RAE1: variants seen among roughly 807,000 people sequenced by gnomAD.
RAE1 encodes mRNA export factor RAE1.
In RAE1, 13 loss-of-function variants were observed where a neutral mutation model predicts 52.7. The observed-to-expected ratio is 0.25, with a 90% CI of 0.16 to 0.39. The LOEUF (loss-of-function observed/expected upper bound fraction) is 0.39. Ranked by LOEUF, RAE1 falls within the 10% of genes least tolerant of loss-of-function variation. The pLI, the probability that RAE1 is intolerant of heterozygous loss-of-function variation, is 1.00. For synonymous variants in RAE1, 164 were observed against 153.1 expected (o/e 1.07, Z -0.52); for missense variants, 262 against 459.8 (o/e 0.57, Z 3.93).
chr20:57,356,627 A>T, intron 4 of RAE1, 89 bp downstream of exon 4: 85 of 1,073,084 alleles, frequency 7.9e-5, no homozygotes, highest in Non-Finnish European at 1.0e-4. Context: ...AATAGCATAT[A>T]TGTGTTCATA....
chr20:57,370,910 GCCTGTTGCT>G (rs2067026892), intron 8 of RAE1, among the ~76,000 whole-genome samples: 3 of 152,280 alleles, frequency 2.0e-5, no homozygotes, highest in Admixed American at 2.0e-4. Flanking sequence ...GCCACCACCA[GCCTGTTGCT>G]CCTGATGTGC....
At chr20:57,361,619 A>T (rs140613421) in intron 4 of RAE1, among the ~76,000 whole-genome samples, 350 of 152,290 alleles carry the variant, frequency 2.3e-3, no homozygotes, top group African/African-American at 8.1e-3. Flanking sequence ...TATGGTTGTT[A>T]TGTCAGTCCG....
intron 4 of RAE1, chr20:57,359,042 A>G: frequency 6.6e-7 from 1 of 1,511,476 alleles, no homozygotes; most frequent in Non-Finnish European, 8.8e-7. Context: ...GTGGCCATTC[A>G]TTCAAGTCCC....
At chr20:57,375,778 A>G (rs990871073) in intron 11 of RAE1, among the ~76,000 whole-genome samples, 1 of 152,080 alleles carries the variant, frequency 6.6e-6, no homozygotes, top group African/African-American at 2.4e-5. Context: ...CTCCTCATCC[A>G]GTCCAGAAGC....
At chr20:57,353,949 C>T (rs764396804) in intron 1 of RAE1, 83 bp from the exon 2 acceptor site, 34 of 1,245,050 alleles carry the variant, frequency 2.7e-5, no homozygotes, top group Non-Finnish European at 3.9e-5. Context: ...GAGTATTTCT[C>T]TTCTGCCAGT....
Position 57,378,183 on chromosome 20 carries a change from G to A in RAE1, c.*84G>A. ...CGAATTTGGGTCCCAGCCTTGTTGG[G>A]TTGTCAGCCATGGACATGGATTTCA... On this transcript the variant is annotated 3_prime_UTR_variant, in exon 12 of 12. Transcript: ENST00000395841. 2 of 1,155,228 alleles carry A rather than the reference G, an allele frequency of 1.7e-6. No homozygotes were observed. Among genetic ancestry groups the A allele is most frequent in the South Asian group, 1.5e-5 (1 of 68,444 alleles). The allele number at this position is 1,155,228 out of a possible 1,614,324, so 71.6% of individuals were successfully genotyped here.
intron 1 of RAE1, among the ~76,000 whole-genome samples, chr20:57,352,340 G>A (rs1007040758): frequency 6.6e-6 from 1 of 152,150 alleles, no homozygotes; most frequent in Admixed American, 6.5e-5. Flanking sequence ...CTGTGGGGAG[G>A]GAGAAGCAAA....
intron 11 of RAE1, among the ~76,000 whole-genome samples, chr20:57,376,904 T>C (rs2067124373): frequency 1.3e-5 from 2 of 152,236 alleles, no homozygotes; most frequent in African/African-American, 4.8e-5. Context: ...TGTTTAAAAA[T>C]TGAAGTAAAA....
chr20:57,370,087 C>G (rs2067013454), intron 8 of RAE1, among the ~76,000 whole-genome samples: 1 of 152,180 alleles, frequency 6.6e-6, no homozygotes, highest in African/African-American at 2.4e-5. Flanking sequence ...AACACACCTC[C>G]CTTGATCCCC....
chr20:57,366,236 T>C (rs182194832), intron 5 of RAE1, among the ~76,000 whole-genome samples: 83 of 151,824 alleles, frequency 5.5e-4, no homozygotes, highest in African/African-American at 1.9e-3. Flanking sequence ...AAGGTAGATA[T>C]ATGTTTTTGT....
At chr20:57,377,251 C>T (rs2067129340) in intron 11 of RAE1, among the ~76,000 whole-genome samples, 1 of 152,218 alleles carries the variant, frequency 6.6e-6, no homozygotes, top group Non-Finnish European at 1.5e-5. Context: ...GCCCCACCTC[C>T]CTCTTCCAGT....
intron 8 of RAE1, 70 bp downstream of exon 8, chr20:57,368,882 G>A (rs2066995103): frequency 4.0e-6 from 5 of 1,252,920 alleles, no homozygotes; most frequent in Admixed American, 1.9e-5. Flanking sequence ...CTCACATCTG[G>A]AATACAGTTG....
rs1046465263 is a variant in RAE1 at position 57,375,275 on chromosome 20, G to GT, written c.1020+476dup. On this transcript the variant is annotated intron_variant, in intron 11 of 11. Coordinates refer to ENST00000395841, the MANE Select transcript of RAE1 (RefSeq NM_003610.4). ...CTCTGCCCAACCCCATGGGAAGTGTGTTGGCTTTCAACCAGCCTGCGTGTT... is the reference window on the plus strand; with the variant it reads ...CTCTGCCCAACCCCATGGGAAGTGTGTTTGGCTTTCAACCAGCCTGCGTGTT... 1.4e-4 allele frequency among the ~76,000 whole-genome samples: 21 copies of GT among 152,104 alleles called. No individual in the cohort carries two copies. In the East Asian group the frequency reaches 3.7e-3, roughly 27 times the overall value.
intron 4 of RAE1, among the ~76,000 whole-genome samples, chr20:57,356,869 T>C (rs1189370181): frequency 6.6e-6 from 1 of 152,152 alleles, no homozygotes; most frequent in African/African-American, 2.4e-5. Flanking sequence ...GAGCTGCAGC[T>C]GTAGAGGGGC....
chr20:57,374,509 T>TGCGCTTTGTTTCCTAA, intron 10 of RAE1, 98 bp from the exon 11 acceptor site: 2 of 1,095,580 alleles, frequency 1.8e-6, no homozygotes, highest in Non-Finnish European at 2.7e-6. Context: ...AATGTACCTG[T>TGCGCTTTGTTTCCTAA]GCGCTTTGTT....
chr20:57,370,902 C>T (rs907088640), intron 8 of RAE1, among the ~76,000 whole-genome samples: 3 of 152,270 alleles, frequency 2.0e-5, no homozygotes, highest in Middle Eastern at 3.4e-3. Flanking sequence ...CCCTCTCGGC[C>T]ACCACCAGCC....
At chr20:57,370,724 C>T (rs534984082) in intron 8 of RAE1, among the ~76,000 whole-genome samples, 106 of 152,368 alleles carry the variant, frequency 7.0e-4, no homozygotes, top group African/African-American at 2.5e-3. Flanking sequence ...GTATGGATGT[C>T]ATATACATAC....
Position 57,379,156 on chromosome 20 carries a change from G to C in RAE1, c.*1057G>C, listed in dbSNP as rs1180889219. On this transcript the variant is annotated 3_prime_UTR_variant, in exon 12 of 12. Transcript: ENST00000395841. ...ATCGATAGTGTTGTAAGATGTGTTT[G>C]CCTACTCATAAAAAACAATGAAAAT... The C allele has an allele frequency of 6.6e-6, 1 of 152,062 alleles. No homozygotes were observed. The highest frequency in any genetic ancestry group is 1.5e-5 in the Non-Finnish European group (1 of 68,024). The allele number at this position is 152,062 out of a possible 1,614,324, so 9.4% of individuals were successfully genotyped here.
intron 1 of RAE1, 32 bp from the exon 2 acceptor site, chr20:57,354,000 A>T (rs1352041406): frequency 1.3e-6 from 2 of 1,568,604 alleles, no homozygotes; most frequent in Non-Finnish European, 8.8e-7. Context: ...TTAAGAGAAA[A>T]CCCATCCTTA....
Sources: gnomAD v4.1 joint callset for allele counts (sites outside exome capture counted in the v4.1 genomes callset) on GRCh38, gnomAD v4.1.1 for gene constraint, MANE v1.5 for transcripts, NCBI Gene and HGNC (gene_info 2026-07-23, HGNC 2026-07-21) for gene names.